SF3B1: variants seen among roughly 807,000 people sequenced by gnomAD.
SF3B1 encodes pre-mRNA processing 10.
A neutral mutation model predicts 153.8 loss-of-function variants in SF3B1; 12 were observed. That is an observed-to-expected ratio of 0.08 (90% CI 0.05 to 0.13). The LOEUF (loss-of-function observed/expected upper bound fraction) is 0.13, where lower values mean the gene tolerates loss of function less well. SF3B1 is among the 10% of genes least tolerant of loss of function. SF3B1 has a pLI of 1.00. For synonymous variants in SF3B1, 498 were observed against 525.2 expected (o/e 0.95, Z 0.71); for missense variants, 513 against 1,606.1 (o/e 0.32, Z 11.63).
chr2:197,409,760 C>A lies in SF3B1; in HGVS notation c.904+10G>T. 2.5e-6 allele frequency: 4 copies of A among 1,600,170 alleles called. No individual in the cohort carries two copies. Among genetic ancestry groups the A allele is most frequent in the Non-Finnish European group, 3.4e-6 (4 of 1,167,364 alleles). Reference sequence around the variant, plus strand: ...ATTTCACCCACACACCCATACTCCACTAGAAGTACCTCTCTCTGTTTTGGG... The same window carrying A: ...ATTTCACCCACACACCCATACTCCAATAGAAGTACCTCTCTCTGTTTTGGG... On this transcript the variant is annotated intron_variant, in intron 7 of 24. Coordinates refer to ENST00000335508, the MANE Select transcript of SF3B1 (RefSeq NM_012433.4).
chr2:197,398,912 A>G, intron 20 of SF3B1: 2 of 526,548 alleles, frequency 3.8e-6, no homozygotes, highest in Middle Eastern at 3.1e-4. Context: ...ACACAACAAT[A>G]TAAGCCAGAG....
In SF3B1 at chr2:197,412,344, T is replaced by TAA. The variant is rs1360782269; in HGVS notation, c.667-2338_667-2337insTT. ...AAAAAGTCTGAGTCTCTGATTTAATTTATTTATTTATTTATTTATTTATTT... is the reference window on the plus strand; with the variant it reads ...AAAAAGTCTGAGTCTCTGATTTAATTAATATTTATTTATTTATTTATTTATTT... On this transcript the variant is annotated intron_variant, in intron 6 of 24. Coordinates refer to ENST00000335508, the MANE Select transcript of SF3B1 (RefSeq NM_012433.4). Among the ~76,000 whole-genome samples, 307 of 105,838 alleles carry TAA rather than the reference T, an allele frequency of 2.9e-3. 1 individual carries two copies. The highest frequency in any genetic ancestry group is 7.5e-3 in the Admixed American group (74 of 9,892). 69.4% of individuals were successfully genotyped at this position (105,838 alleles called of 152,430 possible). A position where few individuals can be genotyped will look rare whatever the true frequency, so the allele number is the denominator to read the frequency against.
intron 23 of SF3B1, 71 bp downstream of exon 23, chr2:197,395,985 A>G: frequency 7.4e-7 from 1 of 1,354,382 alleles, no homozygotes; most frequent in Non-Finnish European, 1.0e-6. Context: ...TCATCTAATA[A>G]CTATTTCACG....
intron 9 of SF3B1, 132 bp from the exon 10 acceptor site, chr2:197,405,604 T>C: frequency 1.5e-6 from 1 of 646,278 alleles, no homozygotes; most frequent in Non-Finnish European, 2.7e-6. Context: ...ACATCTATCT[T>C]GCTTTTCTAT....
At position 197,400,033 on chromosome 2, in the gene SF3B1, A is replaced by G; in HGVS notation, c.3013+22T>C. The G allele has an allele frequency of 7.0e-7, 1 of 1,437,178 alleles. No homozygotes were observed. Among genetic ancestry groups the G allele is most frequent in the East Asian group, 2.3e-5 (1 of 44,036 alleles). 89.0% of individuals were successfully genotyped at this position (1,437,178 alleles called of 1,614,324 possible). ...GAAAGTTAAAACAAGAAAAAGTCTT[A>G]TGTAACCAGCAAATTCCATACCTAT... On this transcript the variant is annotated intron_variant, in intron 20 of 24. Coordinates refer to ENST00000335508, the MANE Select transcript of SF3B1 (RefSeq NM_012433.4). The surrounding 1 kb of genome is among the most constrained non-coding windows in gnomAD (Gnocchi z 5.0).
rs1278846079 is a variant in SF3B1 at position 197,400,769 on chromosome 2, A to T, written c.2664T>A (p.Leu888=). ...GAATACCATCAATCAGTTGTTCTTCAAGTTTATGATCAATATCTGCTGCTC... is the reference window on the plus strand; with the variant it reads ...GAATACCATCAATCAGTTGTTCTTCTAGTTTATGATCAATATCTGCTGCTC... The part of the protein sequence containing the change: ...NLGAADIDHK[L]EEQLIDGILY... The change falls in exon 18 of 25, where the codon CTT becomes CTA. Residue 888 remains leucine (L), a synonymous_variant. Coordinates refer to ENST00000335508, the MANE Select transcript of SF3B1 (RefSeq NM_012433.4). This position sits in a 1 kb window ranked among gnomAD's most constrained non-coding sequence, Gnocchi z 5.0. 2 of 1,613,362 alleles carry T rather than the reference A, an allele frequency of 1.2e-6. No individual in the cohort carries two copies. Among genetic ancestry groups the T allele is most frequent in the African/African-American group, 2.7e-5 (2 of 74,924 alleles).
chr2:197,433,622 A>G (rs775906976), intron 1 of SF3B1, among the ~76,000 whole-genome samples: 1 of 152,254 alleles, frequency 6.6e-6, no homozygotes, highest in Non-Finnish European at 1.5e-5. Flanking sequence ...GTCATTGACA[A>G]TTCATTAGCA....
rs2084950044 is a variant in SF3B1 at position 197,402,911 on chromosome 2, G to T, written c.1806+38C>A. ...CTTTCCATAATCAATTCCATAAACA[G>T]ATATAAATTTTCTTCTCTAGAAATT... On this transcript the variant is annotated intron_variant, in intron 13 of 24. Transcript: ENST00000335508. The surrounding 1 kb of genome is among the most constrained non-coding windows in gnomAD (Gnocchi z 4.6). 2 of 1,606,592 alleles carry T rather than the reference G, an allele frequency of 1.2e-6. No individual in the cohort carries two copies. Among genetic ancestry groups the T allele is most frequent in the Non-Finnish European group, 1.7e-6 (2 of 1,174,452 alleles).
At chr2:197,422,527 T>C (rs868164323) in intron 2 of SF3B1, among the ~76,000 whole-genome samples, 6 of 151,954 alleles carry the variant, frequency 3.9e-5, no homozygotes, top group Non-Finnish European at 8.8e-5. Context: ...ATTGTGCACA[T>C]GGACCCTAGA....
At chr2:197,396,450 T>C in intron 22 of SF3B1, 122 bp from the exon 23 acceptor site, 1 of 723,700 alleles carries the variant, frequency 1.4e-6, no homozygotes, top group Non-Finnish European at 2.2e-6. Flanking sequence ...AGTAATTTTA[T>C]AAAATGCAAT....
chr2:197,406,105 G>A (rs1344488028), intron 9 of SF3B1, among the ~76,000 whole-genome samples: 2 of 143,154 alleles, frequency 1.4e-5, no homozygotes, highest in Admixed American at 6.9e-5. Context: ...TTTAAAGCTG[G>A]TAACAGACTT....
rs755261523 is a variant in SF3B1, at chr2:197,396,118, A to G, written c.3477T>C (p.Gly1159=). 3 of 1,613,894 alleles carry G rather than the reference A, an allele frequency of 1.9e-6. No individual in the cohort carries two copies. Among genetic ancestry groups the G allele is most frequent in the Non-Finnish European group, 2.5e-6 (3 of 1,179,794 alleles). Residue 1159 remains glycine (G), a synonymous_variant, in exon 23 of 25, where the codon GGT becomes GGC. Coordinates refer to ENST00000335508, the MANE Select transcript of SF3B1 (RefSeq NM_012433.4). The stretch of plus-strand genomic sequence containing the variant: ...CATAAATGTAGTCTTTTCCCATTTC[A>G]CCAATATATTCAAACAAGAAGGAAA... ...KSLSFLFEYI[G]EMGKDYIYAV...
At chr2:197,433,633 T>A (rs1018331965) in intron 1 of SF3B1, among the ~76,000 whole-genome samples, 1 of 152,252 alleles carries the variant, frequency 6.6e-6, no homozygotes, top group Admixed American at 6.5e-5. Context: ...TTCATTAGCA[T>A]GTTTGATAAA....
At position 197,420,553 on chromosome 2, in the gene SF3B1, G is replaced by GT. The variant is rs532025845; in HGVS notation, c.301-12dup. ...AGCAAATGGATCATACTGAAAAGAG[G>GT]TATGTCTCACTTAATATCCACTTTA... On this transcript the variant is annotated splice_polypyrimidine_tract_variant and intron_variant, in intron 3 of 24. Coordinates refer to ENST00000335508, the MANE Select transcript of SF3B1 (RefSeq NM_012433.4). 632 of 1,534,652 alleles carry GT rather than the reference G, an allele frequency of 4.1e-4. 1 individual carries two copies. Among genetic ancestry groups the GT allele is most frequent in the Non-Finnish European group, 5.5e-4 (614 of 1,122,770 alleles).
At chr2:197,408,833 G>GA (rs2085027281) in intron 7 of SF3B1, 1 of 477,088 alleles carries the variant, frequency 2.1e-6, no homozygotes, top group Non-Finnish European at 3.8e-6. Context: ...TGAAGCAAAA[G>GA]AATCACTTGA....
At chr2:197,394,633 C>T (rs1006940476) in intron 23 of SF3B1, among the ~76,000 whole-genome samples, 2 of 152,194 alleles carry the variant, frequency 1.3e-5, no homozygotes, top group Admixed American at 6.5e-5. Flanking sequence ...AGGCCGGGCA[C>T]GGTGGCTCAC....
In SF3B1 at chr2:197,401,952, G is replaced by A. The variant is rs2105984902; in HGVS notation, c.2223+33C>T. The A allele has an allele frequency of 1.9e-6, 3 of 1,601,700 alleles. No homozygotes were observed. Among genetic ancestry groups the A allele is most frequent in the Non-Finnish European group, 2.5e-6 (3 of 1,176,508 alleles). On this transcript the variant is annotated intron_variant, in intron 15 of 24. Transcript: ENST00000335508. This position sits in a 1 kb window ranked among gnomAD's most constrained non-coding sequence, Gnocchi z 4.2. ...AGATTTATGTCGCCTTAACTTTAATGAAGATAAATCAAAAGGTAATTGGTG... is the reference window on the plus strand; with the variant it reads ...AGATTTATGTCGCCTTAACTTTAATAAAGATAAATCAAAAGGTAATTGGTG...
chr2:197,419,352 CA>C (rs1414109174), intron 4 of SF3B1: 1 of 256,192 alleles, frequency 3.9e-6, no homozygotes, highest in Non-Finnish European at 7.6e-6. Flanking sequence ...TTTCAAACTT[CA>C]AAATATCTTA....
intron 6 of SF3B1, among the ~76,000 whole-genome samples, chr2:197,410,306 T>C (rs773744946): frequency 2.0e-5 from 3 of 152,114 alleles, no homozygotes; most frequent in Non-Finnish European, 2.9e-5. Context: ...CTGGGGGAAA[T>C]CACTGAGGTT....
Sources: allele counts gnomAD v4.1 joint callset (sites outside exome capture counted in the v4.1 genomes callset), GRCh38; gene constraint gnomAD v4.1.1; non-coding constraint Gnocchi (gnomAD v3.1); transcripts MANE v1.5; gene names NCBI Gene and HGNC (gene_info 2026-07-23, HGNC 2026-07-21).